The following DLG3 variants were observed in gnomAD, a reference collection of about 807,000 sequenced individuals.
The protein encoded by DLG3 is disks large homolog 3.
Under a neutral mutation model 64.1 loss-of-function variants are expected in DLG3, and 1 was observed. The observed-to-expected ratio is 0.02, with a 90% confidence interval of 0.01 to 0.07. DLG3 has a LOEUF of 0.07. Ranked by LOEUF, DLG3 falls within the 10% of genes least tolerant of loss-of-function variation. The pLI is 1.00. For missense variants in DLG3, 429 were observed against 669.5 expected (o/e 0.64, Z 3.96); for synonymous variants, 245 against 259.8 (o/e 0.94, Z 0.55).
intron 9 of DLG3, among the ~76,000 whole-genome samples, chrX:70,461,370 G>C (rs561228118): frequency 3.9e-4 from 43 of 111,562 alleles, no homozygotes; most frequent in African/African-American, 1.4e-3. Flanking sequence ...GTTTTGCTTC[G>C]TCCCCTGATT....
At chrX:70,451,739 G>A in intron 6 of DLG3, 128 bp from the exon 7 acceptor site, 1 of 808,560 alleles carries the variant, frequency 1.2e-6, no homozygotes, top group Non-Finnish European at 1.8e-6. Flanking sequence ...GGGGAGGTGC[G>A]GCCTGAGGAA....
chrX:70,479,294 G>T, intron 10 of DLG3, 30 bp downstream of exon 10: 1 of 1,097,259 alleles, frequency 9.1e-7, no homozygotes, highest in Non-Finnish European at 1.3e-6. Flanking sequence ...ACTAGCCCTT[G>T]TGCTGGACGA....
intron 10 of DLG3, among the ~76,000 whole-genome samples, chrX:70,490,489 T>A (rs1386485153): frequency 8.9e-6 from 1 of 112,214 alleles, no homozygotes; most frequent in African/African-American, 3.2e-5. Context: ...CTTACTGCTT[T>A]GAGTGTGTAA....
At chrX:70,452,184 TTGGGGACC>T in intron 7 of DLG3, 158 bp downstream of exon 7, 12 of 1,084,556 alleles carry the variant, frequency 1.1e-5, no homozygotes, top group Non-Finnish European at 1.4e-5. Context: ...CTCTCAGGCC[TTGGGGACC>T]TAGAGAGGGA....
intron 9 of DLG3, among the ~76,000 whole-genome samples, chrX:70,475,229 A>G (rs2087033782): frequency 8.9e-6 from 1 of 111,990 alleles, no homozygotes; most frequent in South Asian, 3.7e-4. Context: ...ATTGATTGTA[A>G]TATTAAGAAT....
chrX:70,458,028 A>G (rs2147789818), intron 9 of DLG3, among the ~76,000 whole-genome samples: 1 of 111,058 alleles, frequency 9.0e-6, no homozygotes, highest in South Asian at 3.8e-4. Flanking sequence ...GGTGTGCACC[A>G]ATACACCTGG....
chrX:70,474,057 G>A (rs1357120839), intron 9 of DLG3, among the ~76,000 whole-genome samples: 1 of 111,938 alleles, frequency 8.9e-6, no homozygotes, highest in Non-Finnish European at 1.9e-5. Context: ...AGGGGTCCAG[G>A]CAAGCTAGCT....
At chrX:70,479,084 C>T in intron 9 of DLG3, 66 bp from the exon 10 acceptor site, 9 of 1,021,435 alleles carry the variant, frequency 8.8e-6, no homozygotes, top group East Asian at 3.0e-5. Flanking sequence ...TGGCTGCTGG[C>T]ATGCAAGCTC....
intron 13 of DLG3, among the ~76,000 whole-genome samples, chrX:70,496,402 C>T (rs1282459681): frequency 8.9e-6 from 1 of 112,363 alleles, no homozygotes; most frequent in Non-Finnish European, 1.9e-5. Context: ...CATCTTCATT[C>T]GCGTGTCATC....
At chrX:70,498,378 A>C (rs2087493487) in intron 13 of DLG3, 142 bp from the exon 14 acceptor site, 2 of 552,570 alleles carry the variant, frequency 3.6e-6, no homozygotes, top group Non-Finnish European at 6.2e-6. Flanking sequence ...GTGCTTTCTC[A>C]CCAGCAGAAA....
intron 1 of DLG3, among the ~76,000 whole-genome samples, chrX:70,447,570 G>A (rs1476467039): frequency 8.9e-6 from 1 of 112,016 alleles, no homozygotes; most frequent in Non-Finnish European, 1.9e-5. Flanking sequence ...TGGGGTGGAG[G>A]TGGGACGGGG....
At chrX:70,473,246 C>T in intron 9 of DLG3, among the ~76,000 whole-genome samples, 1 of 108,284 alleles carries the variant, frequency 9.2e-6, no homozygotes, top group Non-Finnish European at 1.9e-5. Context: ...TTAGTCTGAT[C>T]TCCTGCCAGT....
rs1237350899 is a variant in DLG3 at position 70,505,306 on chromosome X, C to G, written c.*3037C>G. 2 of 111,863 alleles carry G rather than the reference C, an allele frequency of 1.8e-5. No homozygotes were observed. The highest frequency in any genetic ancestry group is 9.5e-5 in the Admixed American group (1 of 10,582). 9.2% of individuals were successfully genotyped at this position (111,863 alleles called of 1,213,427 possible). A position where few individuals can be genotyped will look rare whatever the true frequency, so the allele number is the denominator to read the frequency against. Reference sequence around the variant, plus strand: ...TGGAAACCCCAAAGGGAGACACACCCTTAACACTGCCGTGCTGTGCTGTGC... The same window carrying G: ...TGGAAACCCCAAAGGGAGACACACCGTTAACACTGCCGTGCTGTGCTGTGC... On this transcript the variant is annotated 3_prime_UTR_variant, in exon 19 of 19. Transcript: ENST00000374360.
chrX:70,473,157 CAAAAAAAAAA>C (rs59440260), intron 9 of DLG3, among the ~76,000 whole-genome samples: 4 of 42,176 alleles, frequency 9.5e-5, no homozygotes, highest in Non-Finnish European at 1.8e-4. Flanking sequence ...AACTCCGTCT[CAAAAAAAAAA>C]AAAAAAAAAA....
At chrX:70,498,445 G>A (rs777375826) in intron 13 of DLG3, 75 bp from the exon 14 acceptor site, 47 of 1,043,224 alleles carry the variant, frequency 4.5e-5, no homozygotes, top group Middle Eastern at 2.5e-4. Context: ...GTCCTGGCAG[G>A]GGAGGGGTAC....
At chrX:70,478,369 C>G (rs932206879) in intron 9 of DLG3, among the ~76,000 whole-genome samples, 27 of 111,576 alleles carry the variant, frequency 2.4e-4, no homozygotes, top group African/African-American at 7.5e-4. Context: ...AGGCTGTTTC[C>G]AGCTGTTGTG....
rs763609801 is a variant in DLG3 at position 70,445,353 on chromosome X, A to C, written c.152A>C (p.Tyr51Ser). 3 of 1,173,326 alleles carry C rather than the reference A, an allele frequency of 2.6e-6. No homozygotes were observed. In the Admixed American group the frequency reaches 7.4e-5, roughly 29 times the overall value. Residue 51 changes from tyrosine to serine, a missense_variant, in exon 1 of 19, where the codon TAT becomes TCT. By Grantham distance (144) the Tyr-to-Ser change is moderately radical. Around this residue, in one of 9 missense-constraint regions of DLG3, gnomAD observed 123 missense variants for 113.3 expected, o/e 1.09. Coordinates refer to ENST00000374360, the MANE Select transcript of DLG3 (RefSeq NM_021120.4). ...GGGGGCAACGGCGCCAGCGCGGGTT[A>C]TGGGGGCTACAGCTCGCAGACCTTG... ...PGGGNGASAG[Y>S]GGYSSQTLPS...
chrX:70,475,166 A>G (rs1367096463), intron 9 of DLG3, among the ~76,000 whole-genome samples: 1 of 110,323 alleles, frequency 9.1e-6, no homozygotes, highest in Non-Finnish European at 1.9e-5. Context: ...CCCCATCTCT[A>G]CAAAAAATAA....
rs1431807567 is a variant in DLG3 at position 70,500,472 on chromosome X, G to A, written c.2147G>A (p.Gly716Asp). The A allele has an allele frequency of 5.0e-6, 6 of 1,203,960 alleles. No homozygotes were observed. ...CTGTTACAATCTCTGCTTTTTCAGG[G>A]CAAGCACTGCATCTTAGATGTTTCC... ...IQSVRAVAER[G>D]KHCILDVSGN... The change falls in exon 17 of 19, where the codon GGC (glycine) becomes GAC (aspartate). Residue 716 changes from glycine to aspartate, a missense_variant and splice_region_variant. By Grantham distance (94) the Gly-to-Asp change is moderately conservative (BLOSUM62 -1). This residue lies in a region of DLG3 where 7 missense variants were observed against 41.4 expected (regional missense o/e 0.17). Coordinates refer to ENST00000374360, the MANE Select transcript of DLG3 (RefSeq NM_021120.4).
Sources: allele counts gnomAD v4.1 joint callset (sites outside exome capture counted in the v4.1 genomes callset), GRCh38; gene constraint gnomAD v4.1.1; regional missense constraint gnomAD v4.1.1; transcripts MANE v1.5; gene names NCBI Gene and HGNC (gene_info 2026-07-23, HGNC 2026-07-21).